PNPLA6: variants seen among roughly 807,000 people sequenced by gnomAD.
The protein encoded by PNPLA6 is patatin-like phospholipase domain-containing protein 6.
In PNPLA6, 105 loss-of-function variants were observed where a neutral mutation model predicts 153.7. That is an observed-to-expected ratio of 0.68 (90% CI 0.58 to 0.80). The LOEUF (loss-of-function observed/expected upper bound fraction) is 0.80. Among genes scored for constraint, PNPLA6 ranks in the 30% least tolerant of loss-of-function variants. The pLI, the probability that PNPLA6 is intolerant of heterozygous loss-of-function variation, is 0.00. For missense variants in PNPLA6, 1,423 were observed against 1,919.3 expected, an observed-to-expected ratio of 0.74 and a Z score of 4.83; for synonymous variants, 825 against 822.2, an observed-to-expected ratio of 1.00 and a Z score of -0.06.
At chr19:7,551,930 AC>A (rs1041316794) in intron 18 of PNPLA6, among the ~76,000 whole-genome samples, 8 of 151,372 alleles carry the variant, frequency 5.3e-5, no homozygotes, top group African/African-American at 1.9e-4. Flanking sequence ...ACATAGTAGG[AC>A]CCCCGTCTCT....
Position 7,555,873 on chromosome 19 carries a change from G to T in PNPLA6, c.3093+110G>T, listed in dbSNP as rs1409545595. ...CTCCGGGGTCAGGGTGACCCTTCCT[G>T]ATTAAATCTATGATCCCCAGCTGTC... On this transcript the variant is annotated intron_variant, in intron 24 of 31. Transcript: ENST00000600737. The surrounding 1 kb of genome is among the most constrained non-coding windows in gnomAD (Gnocchi z 6.3). The T allele has an allele frequency of 6.8e-6, 8 of 1,174,916 alleles. No homozygotes were observed. In the Admixed American group the frequency reaches 1.5e-4, roughly 22 times the overall value. 72.8% of individuals were successfully genotyped at this position (1,174,916 alleles called of 1,614,324 possible).
chr19:7,557,190 C>CGGT lies in PNPLA6; in HGVS notation c.3304_3305insGTG (p.Arg1101_Ala1102insGly). On this transcript the variant is annotated inframe_insertion, in exon 27 of 32. Coordinates refer to ENST00000600737, the MANE Select transcript of PNPLA6 (RefSeq NM_001166114.2). ...CAGGCTCCCTGTGGCGGTACGTGCG[C>CGGT]GCCAGCATGACGCTGTCGGGCTACC... 6.2e-7 allele frequency: 1 copy of CGGT among 1,610,462 alleles called. No individual in the cohort carries two copies.
intron 16 of PNPLA6, 175 bp downstream of exon 16, chr19:7,550,815 G>A: frequency 1.0e-6 from 1 of 963,740 alleles, no homozygotes; most frequent in South Asian, 1.5e-5. Flanking sequence ...GATTCCGCCT[G>A]TCGTGGATCC....
At chr19:7,553,262 T>C (rs1385573668) in intron 18 of PNPLA6, among the ~76,000 whole-genome samples, 2 of 152,180 alleles carry the variant, frequency 1.3e-5, no homozygotes, top group Non-Finnish European at 2.9e-5. Context: ...TTCTTTTATT[T>C]TCTTTTTAAG....
At chr19:7,552,853 C>T (rs1351494870) in intron 18 of PNPLA6, among the ~76,000 whole-genome samples, 1 of 151,216 alleles carries the variant, frequency 6.6e-6, no homozygotes, top group African/African-American at 2.4e-5. Context: ...GTCATCTTGC[C>T]GTGTGGCTGA....
In PNPLA6 at chr19:7,556,447, C is replaced by G. The variant is rs202063739; in HGVS notation, c.3094-6C>G. On this transcript the variant is annotated splice_region_variant and splice_polypyrimidine_tract_variant and intron_variant, in intron 24 of 31. Transcript: ENST00000600737. ...TATTTGACCCTGTCTGGCCCCTTGT[C>G]CCTAGAGCATGACTTCGGTGCTGGA... The G allele has an allele frequency of 6.3e-7, 1 of 1,584,922 alleles. No individual in the cohort carries two copies. Among genetic ancestry groups the G allele is most frequent in the Admixed American group, 1.7e-5 (1 of 59,988 alleles).
chr19:7,551,032 G>A lies in PNPLA6; in HGVS notation c.2109G>A (p.Val703=), dbSNP rs1203702056. The change falls in exon 17 of 32, where the codon GTG becomes GTA. Residue 703 remains valine (V), a synonymous_variant. Coordinates refer to ENST00000600737, the MANE Select transcript of PNPLA6 (RefSeq NM_001166114.2). ...CCCGGCAGCCGCGAGCCACGACGGT[G>A]CACGCGGTGCGCGACACGGAGCTGG... ...ALTRQPRATT[V]HAVRDTELAK... 2 of 1,549,042 alleles carry A rather than the reference G, an allele frequency of 1.3e-6. No individual in the cohort carries two copies. The highest frequency in any genetic ancestry group is 1.7e-6 in the Non-Finnish European group (2 of 1,146,800).
intron 24 of PNPLA6, among the ~76,000 whole-genome samples, chr19:7,556,039 A>G (rs1276754005): frequency 7.2e-6 from 1 of 139,568 alleles, no homozygotes; most frequent in Non-Finnish European, 1.5e-5. Context: ...TGACCACATC[A>G]TCCCTAAGTG....
Position 7,541,991 on chromosome 19 carries a change from T to A in PNPLA6, c.1176T>A (p.Pro392=). The A allele has an allele frequency of 6.2e-7, 1 of 1,608,198 alleles. No homozygotes were observed. The highest frequency in any genetic ancestry group is 8.5e-7 in the Non-Finnish European group (1 of 1,179,638). The change falls in exon 10 of 32, where the codon CCT becomes CCA. Residue 392 remains proline, a synonymous_variant. Coordinates refer to ENST00000600737, the MANE Select transcript of PNPLA6 (RefSeq NM_001166114.2). This position sits in a 1 kb window ranked among gnomAD's most constrained non-coding sequence, Gnocchi z 5.2. ...AACATGTGTCTCCCCCAGGGGACCC[T>A]GTGAAGCCCACATCCCTGGAAACCC... ...GAPLPGPTGD[P]VKPTSLETPS... is the part of the protein sequence containing the mutation.
chr19:7,554,744 G>T (rs767876353), intron 21 of PNPLA6, 21 bp downstream of exon 21: 4 of 1,610,154 alleles, frequency 2.5e-6, no homozygotes, highest in East Asian at 2.2e-5. Flanking sequence ...CGTGCCCCCT[G>T]ATCTCACCCA....
Position 7,554,965 on chromosome 19 carries a change from G to C in PNPLA6, c.2707G>C (p.Ala903Pro). Residue 903 changes from alanine to proline, a missense_variant, in exon 22 of 32, where the codon GCG becomes CCG. Around this residue, in one of 10 missense-constraint regions of PNPLA6, gnomAD observed 643 missense variants for 835.2 expected, o/e 0.77. Transcript: ENST00000600737. ...AGTCCTGCTCCACCGAGAGGAGGGCGCGGGCCCCACGCGCACCGTGGAGTG... is the reference window on the plus strand; with the variant it reads ...AGTCCTGCTCCACCGAGAGGAGGGCCCGGGCCCCACGCGCACCGTGGAGTG... Reference protein sequence around the residue: ...QLVLLHREEGAGPTRTVEWLN... With the variant: ...QLVLLHREEGPGPTRTVEWLN... The C allele has an allele frequency of 6.3e-7, 1 of 1,590,700 alleles. No homozygotes were observed. The highest frequency in any genetic ancestry group is 1.1e-5 in the South Asian group (1 of 89,558).
rs372193709 is a variant in PNPLA6 at position 7,542,020 on chromosome 19, C to T, written c.1205C>T (p.Ser402Leu). 80 of 1,608,224 alleles carry T rather than the reference C, an allele frequency of 5.0e-5. No individual in the cohort carries two copies. Among genetic ancestry groups the T allele is most frequent in the African/African-American group, 1.2e-4 (9 of 74,940 alleles). Residue 402 changes from serine (S) to leucine (L), a missense_variant, in exon 10 of 32, where the codon TCG becomes TTG. Around this residue, in one of 10 missense-constraint regions of PNPLA6, gnomAD observed 267 missense variants for 255.1 expected, o/e 1.05. Transcript: ENST00000600737. ...AAGCCCACATCCCTGGAAACCCCCT[C>T]GGCCCCTCTGCTGAGCCGCTGCGTC... ...PVKPTSLETP[S>L]APLLSRCVSM...
At chr19:7,557,027 C>G in intron 26 of PNPLA6, 141 bp from the exon 27 acceptor site, 2 of 807,310 alleles carry the variant, frequency 2.5e-6, no homozygotes. Flanking sequence ...CCCCACTGTG[C>G]GACCCCAAGG....
At chr19:7,536,985 A>C (rs1159213166) in intron 3 of PNPLA6, among the ~76,000 whole-genome samples, 9 of 150,062 alleles carry the variant, frequency 6.0e-5, no homozygotes, top group Admixed American at 6.0e-4. Context: ...TTCCTGTTTC[A>C]GAGAGACATC....
At chr19:7,550,192 ACC>A (rs2023581948) in intron 14 of PNPLA6, 80 bp downstream of exon 14, 1 of 1,608,700 alleles carries the variant, frequency 6.2e-7, no homozygotes, top group South Asian at 1.1e-5. Context: ...CCATCCCTCA[ACC>A]TCACTCCTGG....
upstream of PNPLA6, chr19:7,535,587 G>A (rs986907894): frequency 6.2e-7 from 1 of 1,603,420 alleles, no homozygotes; most frequent in Non-Finnish European, 8.5e-7. The surrounding 1 kb of genome is among the most constrained non-coding windows in gnomAD (Gnocchi z 5.0). Context: ...GGTAAGGGGT[G>A]GGGCGGAGAC....
chr19:7,543,191 T>C, intron 13 of PNPLA6, 107 bp downstream of exon 13: 4 of 978,850 alleles, frequency 4.1e-6, no homozygotes, highest in Non-Finnish European at 4.8e-6. Context: ...CCTTCTCCCA[T>C]AGAAGCAGAC....
intron 3 of PNPLA6, among the ~76,000 whole-genome samples, chr19:7,537,493 C>T (rs1247740343): frequency 6.6e-6 from 1 of 152,208 alleles, no homozygotes; most frequent in East Asian, 1.9e-4. Context: ...GAGAAAGGCT[C>T]TCCAACTCTC....
chr19:7,535,679 C>A (rs145823029), upstream of PNPLA6: 72 of 1,531,032 alleles, frequency 4.7e-5, no homozygotes, highest in Non-Finnish European at 6.2e-5. This position sits in a 1 kb window ranked among gnomAD's most constrained non-coding sequence, Gnocchi z 5.0. Context: ...GGCGATAACG[C>A]GCTGCGTCCG....
Sources: allele counts gnomAD v4.1 joint callset (sites outside exome capture counted in the v4.1 genomes callset), GRCh38; gene constraint gnomAD v4.1.1; regional missense constraint gnomAD v4.1.1; non-coding constraint Gnocchi (gnomAD v3.1); transcripts MANE v1.5; gene names NCBI Gene and HGNC (gene_info 2026-07-23, HGNC 2026-07-21).